Variants in SLC25A12 observed in about 807,000 individuals in gnomAD.
SLC25A12 encodes electrogenic aspartate/glutamate antiporter SLC25A12, mitochondrial.
SLC25A12 carries 32 observed loss-of-function variants against 83.3 expected under a neutral mutation model. That is an observed-to-expected ratio of 0.38 (90% CI 0.29 to 0.52). SLC25A12 has a LOEUF of 0.52. Ranked by LOEUF, SLC25A12 falls within the 20% of genes least tolerant of loss-of-function variation. The probability of loss-of-function intolerance (pLI) is 0.84; values close to 1 mark genes in which losing one functional copy is unlikely to be tolerated. For synonymous variants in SLC25A12, 267 were observed against 291.1 expected (o/e 0.92, Z 0.84); for missense variants, 611 against 835.6 (o/e 0.73, Z 3.31).
chr2:171,818,172 C>A (rs1244585586), intron 9 of SLC25A12, among the ~76,000 whole-genome samples: 1 of 152,078 alleles, frequency 6.6e-6, no homozygotes, highest in African/African-American at 2.4e-5. Flanking sequence ...CCGCTGTCAT[C>A]CCTATTAATG....
At position 171,820,235 on chromosome 2, in the gene SLC25A12, ATTCTTAATAATTCTAATGATGTT is replaced by A. The variant is rs796800193; in HGVS notation, c.931-5056_931-5034del. 9.7e-3 allele frequency among the ~76,000 whole-genome samples: 1,479 copies of A among 152,210 alleles called. 21 individuals carry two copies. The highest frequency in any genetic ancestry group is 0.033 in the African/African-American group (1,391 of 41,556). ...CCCAAACTTAAAAGTTAAAATAATA[ATTCTTAATAATTCTAATGATGTT>A]TTGACAGAACACAATCCAGCTTATA... On this transcript the variant is annotated intron_variant, in intron 9 of 17. Coordinates refer to ENST00000422440, the MANE Select transcript of SLC25A12 (RefSeq NM_003705.5).
chr2:171,871,554 T>G (rs932606584), intron 2 of SLC25A12: 1 of 164,124 alleles, frequency 6.1e-6, no homozygotes, highest in African/African-American at 2.4e-5. Flanking sequence ...TCTCCTGACC[T>G]CGTGATCCAC....
At chr2:171,865,886 G>A (rs928079099) in intron 3 of SLC25A12, among the ~76,000 whole-genome samples, 5 of 150,304 alleles carry the variant, frequency 3.3e-5, no homozygotes, top group East Asian at 2.0e-4. Context: ...GGTGTTTCTC[G>A]CAGAGGGGGA....
chr2:171,799,562 A>C (rs1683666686), intron 13 of SLC25A12, among the ~76,000 whole-genome samples: 1 of 152,122 alleles, frequency 6.6e-6, no homozygotes, highest in Non-Finnish European at 1.5e-5. Context: ...CTTTACCGAT[A>C]TGAAGGGAGG....
At chr2:171,828,429 TGTTTTGAC>T in intron 8 of SLC25A12, among the ~76,000 whole-genome samples, 1 of 152,342 alleles carries the variant, frequency 6.6e-6, no homozygotes, top group South Asian at 2.1e-4. Context: ...ATCTCTTAGA[TGTTTTGAC>T]TTCCCTTATC....
intron 15 of SLC25A12, among the ~76,000 whole-genome samples, chr2:171,790,859 G>A (rs1212192914): frequency 2.0e-5 from 3 of 151,822 alleles, no homozygotes; most frequent in African/African-American, 2.4e-5. Context: ...CTACAGGCAC[G>A]CACCACTACA....
chr2:171,892,847 T>C (rs1290343154), intron 2 of SLC25A12, among the ~76,000 whole-genome samples: 1 of 152,154 alleles, frequency 6.6e-6, no homozygotes. Flanking sequence ...TTTGTAAACA[T>C]GCAACTTTCA....
rs148874436 is a variant in SLC25A12 at position 171,824,294 on chromosome 2, G to C, written c.930+2504C>G. On this transcript the variant is annotated intron_variant, in intron 9 of 17. Transcript: ENST00000422440. ...AGCAAAATTACATCACTTTCCTAAG[G>C]ATGAAGAAATGTGAAGGATGCAGAC... Among the ~76,000 whole-genome samples the C allele has an allele frequency of 1.9e-3, 286 of 152,266 alleles. 1 individual carries two copies. Among genetic ancestry groups the C allele is most frequent in the African/African-American group, 6.2e-3 (257 of 41,552 alleles).
In SLC25A12 at chr2:171,815,126, G is replaced by C. The variant is rs1396620434; in HGVS notation, c.1007C>G (p.Ala336Gly). 6.2e-7 allele frequency: 1 copy of C among 1,613,192 alleles called. No homozygotes were observed. The highest frequency in any genetic ancestry group is 8.5e-7 in the Non-Finnish European group (1 of 1,179,278). The stretch of plus-strand genomic sequence containing the variant: ...CACACAGACATGTCACTCACCTCCA[G>C]CAACTGAGCCCAGAGTGAATCTGTA... ...SAYRFTLGSV[A>G]GAVGATAVYP... is the part of the protein sequence containing the mutation. Residue 336 changes from alanine (A) to glycine (G), a missense_variant, in exon 10 of 18, where the codon GCT (alanine) becomes GGT (glycine). Ala to Gly is a moderately conservative substitution (Grantham distance 60). Transcript: ENST00000422440.
intron 9 of SLC25A12, among the ~76,000 whole-genome samples, chr2:171,816,024 A>G (rs1005138491): frequency 6.7e-6 from 1 of 150,114 alleles, no homozygotes; most frequent in Non-Finnish European, 1.5e-5. Context: ...TTTCTAAGTA[A>G]TTTTATATTT....
intron 12 of SLC25A12, 130 bp downstream of exon 12, chr2:171,810,094 C>T (rs970704203): frequency 3.9e-6 from 3 of 771,666 alleles, no homozygotes; most frequent in South Asian, 1.4e-5. Context: ...GAACTGGTCT[C>T]AAGTGATCCT....
chr2:171,845,275 C>T (rs527890217), intron 4 of SLC25A12, among the ~76,000 whole-genome samples: 6 of 152,098 alleles, frequency 3.9e-5, no homozygotes, highest in South Asian at 2.1e-4. Flanking sequence ...GCACTAACAA[C>T]GTTATTTACA....
At position 171,825,848 on chromosome 2, in the gene SLC25A12, A is replaced by T. The variant is rs183764123; in HGVS notation, c.930+950T>A. Among the ~76,000 whole-genome samples the T allele has an allele frequency of 2.6e-5, 4 of 152,014 alleles. No individual in the cohort carries two copies. In the East Asian group the frequency reaches 7.7e-4, roughly 29 times the overall value. ...GATTTATTAAAAACTGTTCCATTCC[A>T]CTCTTCAAGGTAATTTCATGGATTT... On this transcript the variant is annotated intron_variant, in intron 9 of 17. Coordinates refer to ENST00000422440, the MANE Select transcript of SLC25A12 (RefSeq NM_003705.5).
At chr2:171,836,535 G>A (rs1684561306) in intron 6 of SLC25A12, among the ~76,000 whole-genome samples, 1 of 152,212 alleles carries the variant, frequency 6.6e-6, no homozygotes, top group African/African-American at 2.4e-5. Context: ...GGGGCAGAGA[G>A]AGGAGTGAGC....
At chr2:171,875,855 G>A (rs1394657282) in intron 2 of SLC25A12, among the ~76,000 whole-genome samples, 1 of 141,544 alleles carries the variant, frequency 7.1e-6, no homozygotes, top group Non-Finnish European at 1.5e-5. Context: ...GGAGCTTGCA[G>A]TGAGCCAAGA....
chr2:171,820,800 C>A (rs1208968643), intron 9 of SLC25A12, among the ~76,000 whole-genome samples: 1 of 150,980 alleles, frequency 6.6e-6, no homozygotes, highest in African/African-American at 2.4e-5. Flanking sequence ...TGGTCTATAA[C>A]CTGGTTTTAA....
chr2:171,797,133 TA>T (rs1318528544), intron 13 of SLC25A12, among the ~76,000 whole-genome samples: 3 of 152,200 alleles, frequency 2.0e-5, no homozygotes, highest in African/African-American at 7.2e-5. Flanking sequence ...TTGCAGTAAA[TA>T]TAATCTTTAA....
chr2:171,871,230 A>G (rs1346377501), intron 2 of SLC25A12, among the ~76,000 whole-genome samples: 1 of 151,944 alleles, frequency 6.6e-6, no homozygotes, highest in Non-Finnish European at 1.5e-5. Flanking sequence ...AAAAAAAGCC[A>G]CAGAGACTAC....
intron 4 of SLC25A12, among the ~76,000 whole-genome samples, chr2:171,847,429 G>A (rs1481930092): frequency 6.6e-6 from 1 of 152,174 alleles, no homozygotes; most frequent in Non-Finnish European, 1.5e-5. Flanking sequence ...TCAAACAGCT[G>A]GTGTTTTTAT....
Sources: gnomAD v4.1 joint callset for allele counts (sites outside exome capture counted in the v4.1 genomes callset) on GRCh38, gnomAD v4.1.1 for gene constraint, MANE v1.5 for transcripts, NCBI Gene and HGNC (gene_info 2026-07-23, HGNC 2026-07-21) for gene names.